RAD51B: variants seen among roughly 807,000 people sequenced by gnomAD.
RAD51B encodes the protein DNA repair protein RAD51 homolog 2.
Under a neutral mutation model 42.2 loss-of-function variants are expected in RAD51B, and 38 were observed. That is an observed-to-expected ratio of 0.90 (90% CI 0.70 to 1.18). The LOEUF (loss-of-function observed/expected upper bound fraction) is 1.18. Ranked by LOEUF, RAD51B falls within the 50% of genes most tolerant of loss-of-function variation. The pLI, the probability that RAD51B is intolerant of heterozygous loss-of-function variation, is 0.00. For synonymous variants in RAD51B, 154 were observed against 145.2 expected, an observed-to-expected ratio of 1.06 and a Z score of -0.43; for missense variants, 373 against 400.7, an observed-to-expected ratio of 0.93 and a Z score of 0.59.
intron 7 of RAD51B, among the ~76,000 whole-genome samples, chr14:68,252,521 C>A (rs1489188128): frequency 6.6e-6 from 1 of 152,196 alleles, no homozygotes; most frequent in African/African-American, 2.4e-5. Context: ...ACACACATGT[C>A]TTTTGCCAAA....
intron 8 of RAD51B, among the ~76,000 whole-genome samples, chr14:68,366,752 C>T (rs1293928857): frequency 1.3e-5 from 2 of 152,208 alleles, no homozygotes; most frequent in Non-Finnish European, 2.9e-5. Context: ...GTTTAATGCT[C>T]TCAAGAGGTT....
chr14:68,632,077 A>G (rs1332896143), intron 10 of RAD51B, among the ~76,000 whole-genome samples: 1 of 152,192 alleles, frequency 6.6e-6, no homozygotes, highest in African/African-American at 2.4e-5. Flanking sequence ...GGCATGACCT[A>G]GCACAGCCAT....
chr14:68,157,896 T>G (rs2078547469), intron 7 of RAD51B, among the ~76,000 whole-genome samples: 1 of 152,174 alleles, frequency 6.6e-6, no homozygotes, highest in African/African-American at 2.4e-5. Context: ...AAGAATCCCC[T>G]TCTAATATAA....
At chr14:68,259,454 TAATAA>T (rs1299274560) in intron 7 of RAD51B, among the ~76,000 whole-genome samples, 1 of 151,822 alleles carries the variant, frequency 6.6e-6, no homozygotes, top group Admixed American at 6.6e-5. Flanking sequence ...AGTATAATAA[TAATAA>T]AATAAAAATA....
chr14:68,581,260 G>A (rs1366681734), intron 10 of RAD51B, among the ~76,000 whole-genome samples: 1 of 152,180 alleles, frequency 6.6e-6, no homozygotes, highest in African/African-American at 2.4e-5. Context: ...GGGTGGTGGT[G>A]TGAGCCATGT....
At chr14:68,502,310 G>A (rs1169984245) in intron 10 of RAD51B, among the ~76,000 whole-genome samples, 1 of 152,194 alleles carries the variant, frequency 6.6e-6, no homozygotes, top group Admixed American at 6.5e-5. Context: ...GGAGATGGGA[G>A]GTCAGGCTGC....
chr14:68,300,903 G>A (rs1015374749), intron 8 of RAD51B, among the ~76,000 whole-genome samples: 1 of 152,220 alleles, frequency 6.6e-6, no homozygotes, highest in Non-Finnish European at 1.5e-5. Flanking sequence ...CAAGAGGGCA[G>A]CTGGATAACT....
At chr14:68,143,687 C>T (rs1185951764) in intron 7 of RAD51B, among the ~76,000 whole-genome samples, 2 of 152,208 alleles carry the variant, frequency 1.3e-5, no homozygotes, top group Non-Finnish European at 2.9e-5. Flanking sequence ...AAGTCCTTGC[C>T]TAATCTCCTT....
At chr14:68,433,567 G>A (rs2085068729) in intron 9 of RAD51B, among the ~76,000 whole-genome samples, 1 of 152,064 alleles carries the variant, frequency 6.6e-6, no homozygotes, top group South Asian at 2.1e-4. Context: ...CATTCATCAC[G>A]TAGTTCTCAT....
At chr14:68,666,830 G>A (rs1325334085) in intron 11 of RAD51B, among the ~76,000 whole-genome samples, 1 of 152,058 alleles carries the variant, frequency 6.6e-6, no homozygotes, top group Non-Finnish European at 1.5e-5. Flanking sequence ...TATTATAAAG[G>A]TTCTCCAGAG....
intron 11 of RAD51B, among the ~76,000 whole-genome samples, chr14:68,661,197 T>G (rs1315776988): frequency 6.6e-6 from 1 of 152,220 alleles, no homozygotes; most frequent in Non-Finnish European, 1.5e-5. Flanking sequence ...ACTATAGTTT[T>G]GTGCTCCTTG....
At chr14:68,500,127 G>A (rs140597746) in intron 10 of RAD51B, among the ~76,000 whole-genome samples, 16 of 152,204 alleles carry the variant, frequency 1.1e-4, no homozygotes, top group East Asian at 5.8e-4. Flanking sequence ...GGCAGAGATC[G>A]GAGCTCATGG....
At chr14:68,375,889 C>A (rs1368628488) in intron 8 of RAD51B, among the ~76,000 whole-genome samples, 3 of 151,918 alleles carry the variant, frequency 2.0e-5, no homozygotes. Context: ...TCACTCTGGG[C>A]AGGAGAGAAG....
intron 7 of RAD51B, among the ~76,000 whole-genome samples, chr14:68,089,114 C>T (rs567125081): frequency 5.3e-5 from 8 of 152,086 alleles, no homozygotes; most frequent in Non-Finnish European, 1.0e-4. Flanking sequence ...ATCCTCTCCC[C>T]ACTCTCATTA....
At chr14:67,954,336 C>T (rs767859926) in intron 7 of RAD51B, among the ~76,000 whole-genome samples, 3 of 152,116 alleles carry the variant, frequency 2.0e-5, no homozygotes, top group Non-Finnish European at 4.4e-5. Flanking sequence ...GAGTCTGTTG[C>T]TTATTTTCCT....
intron 7 of RAD51B, among the ~76,000 whole-genome samples, chr14:68,089,602 C>T (rs1042240858): frequency 1.3e-5 from 2 of 152,134 alleles, no homozygotes; most frequent in Admixed American, 6.5e-5. Flanking sequence ...GCCATACATC[C>T]CAATCTGCCT....
At chr14:68,470,614 C>A (rs2086099325) in intron 10 of RAD51B, 1 of 506,304 alleles carries the variant, frequency 2.0e-6, no homozygotes. Flanking sequence ...GAATCACAAC[C>A]AGCATTTGAA....
At chr14:68,076,893 C>T (rs1261133023) in intron 7 of RAD51B, among the ~76,000 whole-genome samples, 1 of 152,014 alleles carries the variant, frequency 6.6e-6, no homozygotes, top group Non-Finnish European at 1.5e-5. Flanking sequence ...AAGGAGGGAC[C>T]AGTATGGTTC....
chr14:68,264,686 G>C (rs185454696), intron 7 of RAD51B, among the ~76,000 whole-genome samples: 1 of 152,088 alleles, frequency 6.6e-6, no homozygotes, highest in Non-Finnish European at 1.5e-5. Context: ...GGTTGAGCAG[G>C]GATTATTTTA....
Sources: gnomAD v4.1 joint callset for allele counts (sites outside exome capture counted in the v4.1 genomes callset) on GRCh38, gnomAD v4.1.1 for gene constraint, MANE v1.5 for transcripts, NCBI Gene and HGNC (gene_info 2026-07-23, HGNC 2026-07-21) for gene names.